The following ADAMTSL1 variants were observed in gnomAD, a reference collection of about 807,000 sequenced individuals.
ADAMTSL1 encodes the protein ADAMTS-like protein 1.
In ADAMTSL1, 126 loss-of-function variants were observed where a neutral mutation model predicts 201.8. The observed-to-expected ratio is 0.62, with a 90% CI of 0.54 to 0.72. The LOEUF (loss-of-function observed/expected upper bound fraction) is 0.72, where lower values mean the gene tolerates loss of function less well. ADAMTSL1 is among the 30% of genes least tolerant of loss of function. The pLI, the probability that ADAMTSL1 is intolerant of heterozygous loss-of-function variation, is 0.00. For synonymous variants in ADAMTSL1, 1,121 were observed against 903.4 expected (o/e 1.24, Z -4.32); for missense variants, 2,679 against 2,277.8 (o/e 1.18, Z -3.59).
intron 11 of ADAMTSL1, 112 bp from the exon 12 acceptor site, chr9:18,681,700 G>GGGC: frequency 3.0e-6 from 2 of 673,504 alleles, no homozygotes; most frequent in Non-Finnish European, 4.3e-6. Context: ...CCTCGTGTGG[G>GGGC]GGGGGGGGGC....
Position 18,620,080 on chromosome 9 carries a change from C to A in ADAMTSL1, c.475-2163C>A, listed in dbSNP as rs1825945292. Among the ~76,000 whole-genome samples the A allele has an allele frequency of 2.4e-5, 3 of 126,590 alleles. No individual in the cohort carries two copies. In the South Asian group the frequency reaches 7.7e-4, roughly 32 times the overall value. The allele number at this position is 126,590 out of a possible 152,430, so 83.0% of individuals were successfully genotyped here. A position where few individuals can be genotyped will look rare whatever the true frequency, so the allele number is the denominator to read the frequency against. ...TGCTTCCTCTCCAATTAGTTAGTAT[C>A]CAGGCATTTCTAAAGGACATGGTGA... On this transcript the variant is annotated intron_variant, in intron 4 of 28. Transcript: ENST00000380548.
chr9:18,722,971 A>C (rs1265497019), intron 15 of ADAMTSL1: 1 of 767,088 alleles, frequency 1.3e-6, no homozygotes, highest in Non-Finnish European at 2.4e-6. Flanking sequence ...TGTGTGGGCA[A>C]AGGGCACCAA....
intron 1 of ADAMTSL1, among the ~76,000 whole-genome samples, chr9:18,488,610 C>A (rs1822113496): frequency 6.6e-6 from 1 of 152,180 alleles, no homozygotes; most frequent in Non-Finnish European, 1.5e-5. Context: ...TCAACAATGG[C>A]ATGTACCTCA....
intron 16 of ADAMTSL1, among the ~76,000 whole-genome samples, chr9:18,763,592 T>A (rs1181177848): frequency 6.6e-6 from 1 of 152,190 alleles, no homozygotes; most frequent in Non-Finnish European, 1.5e-5. Context: ...CCCCCAATTT[T>A]TTTTTGTAGT....
intron 1 of ADAMTSL1, among the ~76,000 whole-genome samples, chr9:18,140,913 G>A (rs898990673): frequency 1.5e-4 from 23 of 152,166 alleles, no homozygotes; most frequent in African/African-American, 5.3e-4. Context: ...ATGAGAGGGA[G>A]GCAAAATTTC....
At chr9:18,505,078 A>G in intron 2 of ADAMTSL1, 122 bp downstream of exon 2, 1 of 1,256,762 alleles carries the variant, frequency 8.0e-7, no homozygotes, top group Non-Finnish European at 1.1e-6. Context: ...AAAGAAAAGA[A>G]TTAAAGGAAC....
At chr9:18,410,843 C>CTTTT (rs1371481573) in intron 2 of ADAMTSL1, among the ~76,000 whole-genome samples, 1 of 110,668 alleles carries the variant, frequency 9.0e-6, no homozygotes, top group African/African-American at 3.5e-5. Flanking sequence ...CTGTCTTCTT[C>CTTTT]TTCTTTTTTT....
At chr9:18,474,554 G>C (rs143441159) in intron 1 of ADAMTSL1, among the ~76,000 whole-genome samples, 2 of 152,220 alleles carry the variant, frequency 1.3e-5, no homozygotes, top group East Asian at 3.9e-4. Context: ...CATGAACTTT[G>C]GGACATACTG....
At chr9:18,182,526 T>C (rs1349745983) in intron 2 of ADAMTSL1, among the ~76,000 whole-genome samples, 1 of 152,178 alleles carries the variant, frequency 6.6e-6, no homozygotes, top group Admixed American at 6.5e-5. Flanking sequence ...GTGGCTCTGT[T>C]TATATAAGGA....
At chr9:18,648,889 T>C (rs981594137) in intron 7 of ADAMTSL1, among the ~76,000 whole-genome samples, 3 of 152,174 alleles carry the variant, frequency 2.0e-5, no homozygotes, top group Non-Finnish European at 4.4e-5. Context: ...TCTCGAGGAG[T>C]ACCTTTGTGG....
chr9:18,730,909 T>C (rs761061612), intron 15 of ADAMTSL1, among the ~76,000 whole-genome samples: 1 of 152,210 alleles, frequency 6.6e-6, no homozygotes, highest in Non-Finnish European at 1.5e-5. Flanking sequence ...TACTATGTGA[T>C]TCACAGAGGT....
At chr9:18,476,423 G>C (rs1387966545) in intron 1 of ADAMTSL1, among the ~76,000 whole-genome samples, 1 of 152,138 alleles carries the variant, frequency 6.6e-6, no homozygotes, top group East Asian at 1.9e-4. Flanking sequence ...AGGTTGGTCT[G>C]TACCCTTTGT....
At chr9:18,445,432 G>A (rs1245443905) in intron 2 of ADAMTSL1, among the ~76,000 whole-genome samples, 2 of 152,052 alleles carry the variant, frequency 1.3e-5, no homozygotes, top group Non-Finnish European at 2.9e-5. Flanking sequence ...TGATACCCTT[G>A]TGGTACATCT....
intron 23 of ADAMTSL1, among the ~76,000 whole-genome samples, chr9:18,846,143 T>C (rs1826092023): frequency 6.6e-6 from 1 of 152,238 alleles, no homozygotes; most frequent in Non-Finnish European, 1.5e-5. Context: ...ATCTATTTAC[T>C]ATACCAGGCA....
chr9:18,528,701 A>G (rs1819251416), intron 2 of ADAMTSL1, among the ~76,000 whole-genome samples: 1 of 152,186 alleles, frequency 6.6e-6, no homozygotes, highest in African/African-American at 2.4e-5. Context: ...ATTAAAATAT[A>G]TTCTAATACT....
At chr9:17,933,944 G>A (rs1826901579) in intron 1 of ADAMTSL1, among the ~76,000 whole-genome samples, 1 of 152,072 alleles carries the variant, frequency 6.6e-6, no homozygotes, top group Non-Finnish European at 1.5e-5. Flanking sequence ...TATTTTTGGT[G>A]GGCTGTTTGG....
At chr9:18,079,690 T>A (rs1381096517) in intron 1 of ADAMTSL1, among the ~76,000 whole-genome samples, 1 of 129,780 alleles carries the variant, frequency 7.7e-6, no homozygotes, top group Non-Finnish European at 1.5e-5. Flanking sequence ...TCAAAATAAA[T>A]AAATAAATAA....
At position 18,450,242 on chromosome 9, in the gene ADAMTSL1, C is replaced by T. The variant is rs901304791; in HGVS notation, c.208-54587C>T. Among the ~76,000 whole-genome samples the T allele has an allele frequency of 5.3e-5, 8 of 152,012 alleles. No homozygotes were observed. The East Asian group carries it at 5.8e-4, about 11-fold the overall frequency. On this transcript the variant is annotated intron_variant, in intron 2 of 29. Coordinates refer to the ADAMTSL1 transcript ENST00000680146. ...CAAGACACAAGGGAATTTCATGGAG[C>T]GATGGAAATATTCTATATCTTGATT...
At chr9:17,960,248 C>T (rs187333626) in intron 1 of ADAMTSL1, among the ~76,000 whole-genome samples, 2 of 152,244 alleles carry the variant, frequency 1.3e-5, no homozygotes, top group Admixed American at 6.5e-5. Flanking sequence ...CCATGGAGGA[C>T]GCTTGCTACA....
Sources: allele counts gnomAD v4.1 joint callset (sites outside exome capture counted in the v4.1 genomes callset), GRCh38; gene constraint gnomAD v4.1.1; transcripts MANE v1.5; gene names NCBI Gene and HGNC (gene_info 2026-07-23, HGNC 2026-07-21).